Variants in ATP8A2 observed in about 807,000 individuals in gnomAD.
The protein encoded by ATP8A2 is ATPase phospholipid transporting 8A2.
ATP8A2 carries 100 observed loss-of-function variants against 165.6 expected under a neutral mutation model. The observed-to-expected ratio is 0.60, with a 90% CI of 0.51 to 0.71. ATP8A2 has a LOEUF of 0.71. Among genes scored for constraint, ATP8A2 ranks in the 30% least tolerant of loss-of-function variants. The pLI is 0.00. For synonymous variants in ATP8A2, 543 were observed against 548.8 expected (o/e 0.99, Z 0.15); for missense variants, 1,227 against 1,479.5 (o/e 0.83, Z 2.80).
chr13:25,587,721 C>T (rs1429989123), intron 23 of ATP8A2, among the ~76,000 whole-genome samples: 1 of 152,076 alleles, frequency 6.6e-6, no homozygotes, highest in Admixed American at 6.5e-5. Flanking sequence ...TTGCAATATC[C>T]CTCTTTGCAA....
chr13:25,546,573 A>G (rs191132632), intron 10 of ATP8A2, among the ~76,000 whole-genome samples: 2 of 147,026 alleles, frequency 1.4e-5, no homozygotes, highest in Admixed American at 1.4e-4. Flanking sequence ...AGTTTCCTTC[A>G]GTTCATGTTT....
intron 11 of ATP8A2, among the ~76,000 whole-genome samples, chr13:25,552,977 C>A (rs2038869037): frequency 6.6e-6 from 1 of 152,066 alleles, no homozygotes; most frequent in South Asian, 2.1e-4. Flanking sequence ...GGAGCCATTA[C>A]AAATTATCAG....
Position 25,372,934 on chromosome 13 carries a change from C to G in ATP8A2, c.76+646C>G, listed in dbSNP as rs1207542045. 6.6e-6 allele frequency among the ~76,000 whole-genome samples: 1 copy of G among 152,200 alleles called. No homozygotes were observed. The highest frequency in any genetic ancestry group is 1.5e-5 in the Non-Finnish European group (1 of 68,038). On this transcript the variant is annotated intron_variant, in intron 1 of 36. Coordinates refer to ENST00000381655, the MANE Select transcript of ATP8A2 (RefSeq NM_016529.6). The surrounding 1 kb of genome is among the most constrained non-coding windows in gnomAD (Gnocchi z 4.8). ...GTACACACGCACGCGTACACATACCCTGCCTGCAGGCGCCTGGGTGTTGGA... is the reference window on the plus strand; with the variant it reads ...GTACACACGCACGCGTACACATACCGTGCCTGCAGGCGCCTGGGTGTTGGA...
intron 25 of ATP8A2, among the ~76,000 whole-genome samples, chr13:25,707,968 AC>A (rs2043086914): frequency 6.6e-6 from 1 of 152,156 alleles, no homozygotes. Context: ...GCAGCTTTCA[AC>A]ACATGGGGAC....
intron 25 of ATP8A2, among the ~76,000 whole-genome samples, chr13:25,768,767 C>T (rs530139862): frequency 7.4e-4 from 113 of 152,284 alleles, no homozygotes; most frequent in Non-Finnish European, 1.5e-3. Flanking sequence ...CACGTACCCC[C>T]GAGGAGTTTG....
intron 24 of ATP8A2, among the ~76,000 whole-genome samples, chr13:25,688,201 C>G (rs2042645360): frequency 1.3e-5 from 2 of 152,138 alleles, no homozygotes; most frequent in South Asian, 4.1e-4. Flanking sequence ...TAGGCCTTTC[C>G]TGCCTAAGAG....
intron 27 of ATP8A2, among the ~76,000 whole-genome samples, chr13:25,827,099 G>T (rs1951340343): frequency 6.6e-6 from 1 of 151,764 alleles, no homozygotes; most frequent in African/African-American, 2.4e-5. Context: ...TTTTTTGTTT[G>T]TTTGTTTGTT....
At chr13:25,763,480 G>C (rs1362071979) in intron 25 of ATP8A2, among the ~76,000 whole-genome samples, 2 of 152,078 alleles carry the variant, frequency 1.3e-5, no homozygotes, top group African/African-American at 2.4e-5. Flanking sequence ...GAACTATTGA[G>C]TGATTGAGTT....
At chr13:25,669,781 G>A (rs1228230935) in intron 24 of ATP8A2, among the ~76,000 whole-genome samples, 2 of 152,158 alleles carry the variant, frequency 1.3e-5, no homozygotes, top group Non-Finnish European at 2.9e-5. Context: ...GGCATAGGTA[G>A]TGTGTGTCTT....
At chr13:25,692,499 C>A (rs1186335929) in intron 24 of ATP8A2, among the ~76,000 whole-genome samples, 1 of 152,208 alleles carries the variant, frequency 6.6e-6, no homozygotes, top group African/African-American at 2.4e-5. Context: ...CTCTTGCCAT[C>A]TGCAAATCGG....
chr13:25,379,388 C>T (rs1355979389), intron 1 of ATP8A2, among the ~76,000 whole-genome samples: 2 of 152,208 alleles, frequency 1.3e-5, no homozygotes, highest in East Asian at 3.8e-4. Context: ...TTTGGAATCT[C>T]ATTCCAGATA....
chr13:25,611,650 C>G (rs2040690569), intron 24 of ATP8A2, among the ~76,000 whole-genome samples: 1 of 152,082 alleles, frequency 6.6e-6, no homozygotes, highest in African/African-American at 2.4e-5. Context: ...TAGGGTGACA[C>G]TGGCTTTATA....
intron 11 of ATP8A2, among the ~76,000 whole-genome samples, chr13:25,552,866 CCTTGT>C (rs1298658666): frequency 1.3e-5 from 2 of 152,038 alleles, no homozygotes; most frequent in African/African-American, 4.8e-5. Flanking sequence ...CTTCCCAGCT[CCTTGT>C]CTTTCCATCA....
At chr13:25,968,318 C>T (rs531569653) in intron 34 of ATP8A2, among the ~76,000 whole-genome samples, 5 of 152,250 alleles carry the variant, frequency 3.3e-5, no homozygotes, top group African/African-American at 7.2e-5. Context: ...GCTGCTCGGC[C>T]GACTTCCGGT....
At chr13:25,827,939 G>A (rs1399807795) in intron 27 of ATP8A2, among the ~76,000 whole-genome samples, 179 bp from the exon 28 acceptor site, 1 of 152,168 alleles carries the variant, frequency 6.6e-6, no homozygotes, top group Admixed American at 6.5e-5. Flanking sequence ...TTACAATATG[G>A]ATTTCTGTGA....
chr13:25,544,587 G>C (rs1408033949), intron 10 of ATP8A2, among the ~76,000 whole-genome samples: 1 of 152,138 alleles, frequency 6.6e-6, no homozygotes, highest in East Asian at 1.9e-4. Flanking sequence ...CTGATCAGTG[G>C]GTAGAATCTT....
chr13:25,654,084 C>G (rs936810899), intron 24 of ATP8A2, among the ~76,000 whole-genome samples: 9 of 152,170 alleles, frequency 5.9e-5, no homozygotes, highest in African/African-American at 2.2e-4. Context: ...TTGTTTGCCT[C>G]AAAATCCAAC....
rs2039447854 is a variant in ATP8A2 at position 25,570,891 on chromosome 13, T to G, written c.1579+19T>G. 1 of 1,575,544 alleles carries G rather than the reference T, an allele frequency of 6.3e-7. No individual in the cohort carries two copies. Among genetic ancestry groups the G allele is most frequent in the Admixed American group, 1.7e-5 (1 of 59,484 alleles). The stretch of plus-strand genomic sequence containing the variant: ...TCCCCAGGTGAGGGCTCTGGCCGGA[T>G]GCGCCCTGCTGGCCCCTTCTCAGGA... On this transcript the variant is annotated intron_variant, in intron 17 of 36. Transcript: ENST00000381655.
chr13:25,398,324 T>C (rs2033500905), intron 1 of ATP8A2, among the ~76,000 whole-genome samples: 1 of 152,196 alleles, frequency 6.6e-6, no homozygotes, highest in African/African-American at 2.4e-5. Flanking sequence ...ATCTCTACTT[T>C]AATGTTAATG....
Sources: allele counts gnomAD v4.1 joint callset (sites outside exome capture counted in the v4.1 genomes callset), GRCh38; gene constraint gnomAD v4.1.1; non-coding constraint Gnocchi (gnomAD v3.1); transcripts MANE v1.5; gene names NCBI Gene and HGNC (gene_info 2026-07-23, HGNC 2026-07-21).